NELL2: variants seen among roughly 807,000 people sequenced by gnomAD.
NELL2 encodes neural EGFL like 2.
NELL2 carries 41 observed loss-of-function variants against 109.6 expected under a neutral mutation model. The observed-to-expected ratio is 0.37, with a 90% CI of 0.29 to 0.49. NELL2 has a LOEUF of 0.49. NELL2 is among the 20% of genes least tolerant of loss of function. NELL2 has a pLI of 0.98. For missense variants in NELL2, 900 were observed against 1,008.3 expected, an observed-to-expected ratio of 0.89 and a Z score of 1.45; for synonymous variants, 355 against 344.7, an observed-to-expected ratio of 1.03 and a Z score of -0.33.
intron 2 of NELL2, among the ~76,000 whole-genome samples, chr12:44,832,791 C>T (rs1943927050): frequency 6.6e-6 from 1 of 152,140 alleles, no homozygotes; most frequent in African/African-American, 2.4e-5. Context: ...AAAGACTCTC[C>T]TTTCCCTTTG....
At chr12:44,717,463 C>A (rs1469195962) in intron 9 of NELL2, among the ~76,000 whole-genome samples, 1 of 150,318 alleles carries the variant, frequency 6.7e-6, no homozygotes, top group African/African-American at 2.5e-5. Flanking sequence ...TCATACACAA[C>A]TAACTCTAAG....
chr12:44,587,309 T>TATATATATATATA (rs1565974434), intron 15 of NELL2, among the ~76,000 whole-genome samples: 41 of 69,524 alleles, frequency 5.9e-4, no homozygotes, highest in Non-Finnish European at 9.0e-4. Context: ...ATATATATAT[T>TATATATATATATA]TTTTTTTAAA....
chr12:44,805,602 T>G (rs1942973508), intron 3 of NELL2, among the ~76,000 whole-genome samples: 4 of 151,850 alleles, frequency 2.6e-5, no homozygotes, highest in Admixed American at 2.6e-4. Flanking sequence ...CATGTCAATT[T>G]TTTTCTTAGG....
At position 44,721,629 on chromosome 12, in the gene NELL2, A is replaced by C. The variant is rs143949654; in HGVS notation, c.995-6888T>G. Among the ~76,000 whole-genome samples the C allele has an allele frequency of 1.7e-3, 259 of 152,068 alleles. 4 individuals are homozygous for C. Among genetic ancestry groups the C allele is most frequent in the Non-Finnish European group, 1.8e-3 (124 of 67,960 alleles). ...AACTTTGTGTAACTTTTTTTTTTCAAAATGCCCAGCACCATTTAGACACAT... is the reference window on the plus strand; with the variant it reads ...AACTTTGTGTAACTTTTTTTTTTCACAATGCCCAGCACCATTTAGACACAT... On this transcript the variant is annotated intron_variant, in intron 9 of 19. Coordinates refer to ENST00000429094, the MANE Select transcript of NELL2 (RefSeq NM_001145108.2).
At chr12:44,886,861 C>A (rs1945479236) in intron 1 of NELL2, among the ~76,000 whole-genome samples, 1 of 151,954 alleles carries the variant, frequency 6.6e-6, no homozygotes, top group Non-Finnish European at 1.5e-5. Flanking sequence ...TAATCTCTGT[C>A]TTTATGAGAT....
intron 2 of NELL2, among the ~76,000 whole-genome samples, chr12:44,826,621 C>T (rs1943718540): frequency 6.6e-6 from 1 of 152,140 alleles, no homozygotes. Context: ...ATTGTTAGCT[C>T]TATAATAATA....
intron 9 of NELL2, among the ~76,000 whole-genome samples, chr12:44,756,423 C>T (rs1331932519): frequency 1.3e-5 from 2 of 151,892 alleles, no homozygotes; most frequent in Admixed American, 6.6e-5. Flanking sequence ...AAAAAAATTC[C>T]TGAGCCCTAC....
At chr12:44,517,663 T>G (rs891271489) in intron 19 of NELL2, among the ~76,000 whole-genome samples, 34 of 151,948 alleles carry the variant, frequency 2.2e-4, no homozygotes, top group African/African-American at 8.0e-4. Context: ...AAATTAAAAT[T>G]TTCATATTAT....
chr12:44,710,098 T>C lies in NELL2; in HGVS notation c.1189+1194A>G, dbSNP rs528726912. 1.6e-3 allele frequency among the ~76,000 whole-genome samples: 245 copies of C among 152,252 alleles called. 1 individual carries two copies. Among genetic ancestry groups the C allele is most frequent in the Middle Eastern group, 6.8e-3 (2 of 294 alleles). On this transcript the variant is annotated intron_variant, in intron 11 of 19. Transcript: ENST00000429094. Reference sequence around the variant, plus strand: ...CACATAAAATGAGATTTAAAAACTATTGAGTGGATGGAAAAGTAACTTAAA... The same window carrying C: ...CACATAAAATGAGATTTAAAAACTACTGAGTGGATGGAAAAGTAACTTAAA...
At chr12:44,673,606 C>T (rs1044944638) in intron 12 of NELL2, among the ~76,000 whole-genome samples, 3 of 152,130 alleles carry the variant, frequency 2.0e-5, no homozygotes, top group Non-Finnish European at 4.4e-5. Context: ...CAAAGAGTGC[C>T]CCACTGGGCC....
intron 13 of NELL2, among the ~76,000 whole-genome samples, chr12:44,662,803 G>A (rs1479577298): frequency 2.6e-5 from 4 of 152,130 alleles, no homozygotes; most frequent in Non-Finnish European, 4.4e-5. Flanking sequence ...AACTTTGAGA[G>A]TCTGCTGGGA....
intron 9 of NELL2, among the ~76,000 whole-genome samples, chr12:44,756,913 T>C (rs1435801748): frequency 6.6e-6 from 1 of 152,140 alleles, no homozygotes; most frequent in African/African-American, 2.4e-5. Context: ...CCCATATTTA[T>C]AGCTCCAGCT....
At chr12:44,578,120 T>C (rs1196146092) in intron 15 of NELL2, among the ~76,000 whole-genome samples, 1 of 152,190 alleles carries the variant, frequency 6.6e-6, no homozygotes, top group East Asian at 1.9e-4. Context: ...AATGGTTGTT[T>C]TAACTCAATT....
intron 13 of NELL2, among the ~76,000 whole-genome samples, chr12:44,660,386 CA>C (rs1947696658): frequency 1.3e-5 from 2 of 152,094 alleles, no homozygotes; most frequent in East Asian, 3.9e-4. Context: ...GAAAGGTAAC[CA>C]GAGAAAAATT....
chr12:44,749,767 T>C lies in NELL2; in HGVS notation c.994+24980A>G, dbSNP rs548859826. On this transcript the variant is annotated intron_variant, in intron 9 of 19. Transcript: ENST00000429094. ...TGTGACATGAGAAGAGAAGAGGTGA[T>C]GCCATCATTCAAAATGTAATTATGT... Among the ~76,000 whole-genome samples the C allele has an allele frequency of 3.9e-5, 6 of 152,266 alleles. No individual in the cohort carries two copies. In the South Asian group the frequency reaches 1.2e-3, roughly 32 times the overall value.
At chr12:44,571,949 A>G (rs1250847143) in intron 15 of NELL2, among the ~76,000 whole-genome samples, 1 of 152,182 alleles carries the variant, frequency 6.6e-6, no homozygotes, top group Non-Finnish European at 1.5e-5. Context: ...AATAAGCACA[A>G]TAAGCAAACA....
intron 2 of NELL2, among the ~76,000 whole-genome samples, chr12:44,874,005 A>T (rs1945241558): frequency 1.3e-5 from 2 of 152,220 alleles, no homozygotes; most frequent in African/African-American, 2.4e-5. Context: ...ATTTTTTATA[A>T]GAGCAAACTT....
chr12:44,567,008 C>T (rs1263892843), intron 15 of NELL2, among the ~76,000 whole-genome samples: 1 of 152,062 alleles, frequency 6.6e-6, no homozygotes, highest in Admixed American at 6.6e-5. Flanking sequence ...GATGGGGTTT[C>T]ACCATGTTGG....
At chr12:44,682,304 G>C (rs1273555794) in intron 12 of NELL2, among the ~76,000 whole-genome samples, 1 of 150,884 alleles carries the variant, frequency 6.6e-6, no homozygotes, top group Non-Finnish European at 1.5e-5. Flanking sequence ...GTTCATTGTA[G>C]ATTCTGGGTA....
Sources: gnomAD v4.1 joint callset for allele counts (sites outside exome capture counted in the v4.1 genomes callset) on GRCh38, gnomAD v4.1.1 for gene constraint, MANE v1.5 for transcripts, NCBI Gene and HGNC (gene_info 2026-07-23, HGNC 2026-07-21) for gene names.